The following TRIO variants were observed in gnomAD, a reference collection of about 807,000 sequenced individuals.
The protein encoded by TRIO is trio Rho guanine nucleotide exchange factor, also known as triple functional domain protein.
TRIO carries 58 observed loss-of-function variants against 351.9 expected under a neutral mutation model. The ratio of observed to expected loss-of-function variants is 0.16; its 90% confidence interval spans 0.13 to 0.21. TRIO has a LOEUF of 0.21. Ranked by LOEUF, TRIO falls within the 10% of genes least tolerant of loss-of-function variation. The probability of loss-of-function intolerance (pLI) is 1.00; values close to 1 mark genes in which losing one functional copy is unlikely to be tolerated. For missense variants in TRIO, 3,201 were observed against 4,027.8 expected (o/e 0.79, Z 5.56); for synonymous variants, 1,758 against 1,595.7 (o/e 1.10, Z -2.42).
At chr5:14,507,672 G>A (rs1173703565) in intron 56 of TRIO, among the ~76,000 whole-genome samples, 2 of 152,292 alleles carry the variant, frequency 1.3e-5, no homozygotes, top group East Asian at 1.9e-4. Flanking sequence ...GAGCTGCCCT[G>A]TGTGGATCTG....
At chr5:14,281,848 C>T (rs552937061) in intron 3 of TRIO, among the ~76,000 whole-genome samples, 2 of 152,256 alleles carry the variant, frequency 1.3e-5, no homozygotes, top group Non-Finnish European at 2.9e-5. Context: ...GAACATGTTA[C>T]AAGAGAATGA....
At chr5:14,308,424 C>T (rs912403315) in intron 8 of TRIO, among the ~76,000 whole-genome samples, 2 of 142,304 alleles carry the variant, frequency 1.4e-5, no homozygotes, top group African/African-American at 5.5e-5. Context: ...ATCCTTCCAT[C>T]CAACCATCCA....
intron 46 of TRIO, 40 bp from the exon 47 acceptor site, chr5:14,485,029 A>C (rs190579319): frequency 2.9e-5 from 43 of 1,489,124 alleles, no homozygotes; most frequent in South Asian, 8.5e-5. Flanking sequence ...CTTCCTTTCC[A>C]CCTGTTAGCT....
At chr5:14,292,540 C>T (rs902571290) in intron 5 of TRIO, among the ~76,000 whole-genome samples, 5 of 152,174 alleles carry the variant, frequency 3.3e-5, no homozygotes, top group African/African-American at 1.2e-4. Context: ...TGTCTGTGTA[C>T]TTCTTGATCA....
chr5:14,337,869 C>T (rs1034145406), intron 11 of TRIO, among the ~76,000 whole-genome samples: 7 of 152,074 alleles, frequency 4.6e-5, no homozygotes, highest in African/African-American at 9.7e-5. Flanking sequence ...AGTCCTGCCC[C>T]GGGCTGGCAG....
At chr5:14,280,776 G>A (rs1332772995) in intron 3 of TRIO, among the ~76,000 whole-genome samples, 1 of 152,284 alleles carries the variant, frequency 6.6e-6, no homozygotes, top group Middle Eastern at 3.4e-3. Context: ...ATTGGGTGCT[G>A]CTTTTGACAA....
At chr5:14,260,591 G>A (rs1795287223) in intron 1 of TRIO, among the ~76,000 whole-genome samples, 2 of 152,190 alleles carry the variant, frequency 1.3e-5, no homozygotes, top group Non-Finnish European at 1.5e-5. Flanking sequence ...TTTCATGTTA[G>A]AATCAAATCC....
intron 34 of TRIO, among the ~76,000 whole-genome samples, chr5:14,422,125 A>C (rs1193067774): frequency 6.6e-6 from 1 of 152,214 alleles, no homozygotes; most frequent in Non-Finnish European, 1.5e-5. Flanking sequence ...ATATGCAGCG[A>C]GCGAGTTAAA....
intron 28 of TRIO, among the ~76,000 whole-genome samples, chr5:14,394,884 T>G (rs1349517420): frequency 1.3e-5 from 2 of 152,222 alleles, no homozygotes; most frequent in Non-Finnish European, 2.9e-5. Flanking sequence ...CACATTTTCT[T>G]GACTACCTAA....
intron 1 of TRIO, among the ~76,000 whole-genome samples, chr5:14,222,679 G>A (rs1007713375): frequency 1.3e-5 from 2 of 152,218 alleles, no homozygotes; most frequent in African/African-American, 4.8e-5. Flanking sequence ...TCTGATGCAG[G>A]TGTTTATGGG....
chr5:14,236,906 C>T (rs543425550), intron 1 of TRIO, among the ~76,000 whole-genome samples: 14 of 152,152 alleles, frequency 9.2e-5, no homozygotes, highest in African/African-American at 3.1e-4. Context: ...GTGGCTTTGC[C>T]TATGAAACAA....
At chr5:14,400,937 A>G (rs769665349) in intron 30 of TRIO, 26 bp from the exon 31 acceptor site, 2 of 1,603,652 alleles carry the variant, frequency 1.2e-6, no homozygotes, top group East Asian at 4.5e-5. Flanking sequence ...ACTGTCACCT[A>G]ATTATATAAT....
chr5:14,363,630 G>A, intron 13 of TRIO, 102 bp from the exon 14 acceptor site: 1 of 1,119,970 alleles, frequency 8.9e-7, no homozygotes, highest in Non-Finnish European at 1.3e-6. Context: ...TGACGTCTCT[G>A]TCCTTTGGCA....
At chr5:14,468,888 C>T (rs1225777904) in intron 37 of TRIO, among the ~76,000 whole-genome samples, 3 of 152,086 alleles carry the variant, frequency 2.0e-5, no homozygotes, top group Non-Finnish European at 4.4e-5. Context: ...GGATTTGACT[C>T]GAAAAATGAA....
At chr5:14,349,615 C>A (rs926844594) in intron 11 of TRIO, among the ~76,000 whole-genome samples, 1 of 152,176 alleles carries the variant, frequency 6.6e-6, no homozygotes, top group African/African-American at 2.4e-5. Context: ...CAAGATGAGC[C>A]CTTGAAGAAG....
chr5:14,175,674 TTTA>T (rs1789361626), intron 1 of TRIO, among the ~76,000 whole-genome samples: 1 of 152,196 alleles, frequency 6.6e-6, no homozygotes, highest in Admixed American at 6.5e-5. Context: ...TAAAACTAGT[TTTA>T]TTTAAAACTA....
At chr5:14,209,606 G>A (rs1316700429) in intron 1 of TRIO, among the ~76,000 whole-genome samples, 1 of 152,158 alleles carries the variant, frequency 6.6e-6, no homozygotes, top group East Asian at 1.9e-4. Context: ...CTTCTGTATG[G>A]CCTTGGGGGT....
At chr5:14,454,512 C>T (rs756246023) in intron 34 of TRIO, among the ~76,000 whole-genome samples, 20 of 152,220 alleles carry the variant, frequency 1.3e-4, no homozygotes, top group Non-Finnish European at 7.3e-5. Flanking sequence ...TAACTCAGGA[C>T]ATCACCATTC....
chr5:14,488,487 T>G, intron 48 of TRIO: 1 of 595,010 alleles, frequency 1.7e-6, no homozygotes. Context: ...ATCATTAACC[T>G]TCTCAACGCA....
Sources: gnomAD v4.1 joint callset for allele counts (sites outside exome capture counted in the v4.1 genomes callset) on GRCh38, gnomAD v4.1.1 for gene constraint, MANE v1.5 for transcripts, NCBI Gene and HGNC (gene_info 2026-07-23, HGNC 2026-07-21) for gene names.